Variants in PTPN3 observed in about 807,000 individuals in gnomAD.
The protein encoded by PTPN3 is protein tyrosine phosphatase non-receptor type 3.
In PTPN3, 96 loss-of-function variants were observed where a neutral mutation model predicts 132.7. The observed-to-expected ratio is 0.72, with a 90% CI of 0.61 to 0.86. PTPN3 has a LOEUF of 0.86. Ranked by LOEUF, PTPN3 falls within the 40% of genes least tolerant of loss-of-function variation. PTPN3 has a pLI of 0.00. For synonymous variants in PTPN3, 398 were observed against 429.0 expected, an observed-to-expected ratio of 0.93 and a Z score of 0.89; for missense variants, 1,125 against 1,159.6, an observed-to-expected ratio of 0.97 and a Z score of 0.43.
chr9:109,439,585 G>A (rs1292148678), intron 7 of PTPN3, among the ~76,000 whole-genome samples: 3 of 152,218 alleles, frequency 2.0e-5, no homozygotes, highest in Non-Finnish European at 4.4e-5. Context: ...GAGACAGGTA[G>A]CTGCTTGGGT....
At chr9:109,388,095 G>A (rs559202682) in intron 22 of PTPN3, among the ~76,000 whole-genome samples, 12 of 152,174 alleles carry the variant, frequency 7.9e-5, no homozygotes, top group Non-Finnish European at 1.6e-4. Flanking sequence ...TCTACTAAAT[G>A]CATGGTATAG....
chr9:109,417,466 T>C (rs1222662004), intron 14 of PTPN3: 2 of 552,806 alleles, frequency 3.6e-6, no homozygotes, highest in Admixed American at 1.3e-4. Flanking sequence ...AACACAAATC[T>C]GCTGTATAAA....
At chr9:109,466,043 C>T (rs887732838) in intron 1 of PTPN3, among the ~76,000 whole-genome samples, 1 of 152,138 alleles carries the variant, frequency 6.6e-6, no homozygotes, top group Non-Finnish European at 1.5e-5. Context: ...TGACAGAGTT[C>T]ACTCACTAGT....
chr9:109,418,121 G>A (rs1219326981), intron 14 of PTPN3, among the ~76,000 whole-genome samples: 8 of 152,212 alleles, frequency 5.3e-5, no homozygotes, highest in African/African-American at 1.9e-4. Context: ...TGTAGGGCAC[G>A]TACTGTTCCC....
chr9:109,422,002 G>A (rs181352625), intron 13 of PTPN3, among the ~76,000 whole-genome samples: 112 of 152,328 alleles, frequency 7.4e-4, no homozygotes, highest in Middle Eastern at 3.4e-3. Flanking sequence ...ATTATAATAA[G>A]ATAATGATAA....
rs1588417633 is a variant in PTPN3 at position 109,432,953 on chromosome 9, C to T, written c.764+120G>A. The stretch of plus-strand genomic sequence containing the variant: ...CAAATTTAGAGGTCAGAGTAAAACT[C>T]GGGAGGCACTCTCTATCTTTTCTTT... On this transcript the variant is annotated intron_variant, in intron 10 of 25. Transcript: ENST00000374541. 11 of 1,443,062 alleles carry T rather than the reference C, an allele frequency of 7.6e-6. No homozygotes were observed. The South Asian group carries it at 1.1e-4, about 14-fold the overall frequency. The allele number at this position is 1,443,062 out of a possible 1,614,324, so 89.4% of individuals were successfully genotyped here.
At chr9:109,429,864 A>AT (rs1330143268) in intron 10 of PTPN3, among the ~76,000 whole-genome samples, 1 of 152,246 alleles carries the variant, frequency 6.6e-6, no homozygotes, top group Non-Finnish European at 1.5e-5. Context: ...GAAATGAAGG[A>AT]ATTTTACTAT....
the PTPN3 span, among the ~76,000 whole-genome samples, chr9:109,534,632 CAAAA>C: frequency 0.032 from 3,512 of 108,728 alleles, 61 homozygotes; most frequent in Non-Finnish European, 0.046. Context: ...CAAAAAAATA[CAAAA>C]AAAAAAAAAA....
At chr9:109,524,930 G>A in the PTPN3 span, among the ~76,000 whole-genome samples, 1 of 152,172 alleles carries the variant, frequency 6.6e-6, no homozygotes, top group Non-Finnish European at 1.5e-5. Flanking sequence ...TAGAGACGGG[G>A]TTTTGCCGTG....
intron 2 of PTPN3, among the ~76,000 whole-genome samples, chr9:109,460,482 C>T (rs565536847): frequency 2.4e-4 from 36 of 152,184 alleles, no homozygotes; most frequent in Non-Finnish European, 4.0e-4. Context: ...TCCATGCGAT[C>T]CCCCACCCCT....
chr9:109,525,530 G>A, the PTPN3 span, among the ~76,000 whole-genome samples: 1 of 152,210 alleles, frequency 6.6e-6, no homozygotes, highest in Non-Finnish European at 1.5e-5. Flanking sequence ...TTCTCTAAGA[G>A]CTGGGCCCAG....
At chr9:109,468,656 G>A (rs551020968) in intron 1 of PTPN3, among the ~76,000 whole-genome samples, 2 of 152,190 alleles carry the variant, frequency 1.3e-5, no homozygotes, top group East Asian at 1.9e-4. Flanking sequence ...GTGAGCCACC[G>A]CGCCCGGCTG....
intron 1 of PTPN3, among the ~76,000 whole-genome samples, chr9:109,472,641 C>A (rs564968874): frequency 6.6e-6 from 1 of 152,264 alleles, no homozygotes; most frequent in East Asian, 1.9e-4. Flanking sequence ...GGAATTTAAT[C>A]TTTTTCCTCA....
Position 109,404,716 on chromosome 9 carries a change from A to C in PTPN3, c.1793-108T>G, listed in dbSNP as rs993684302. The C allele has an allele frequency of 1.2e-5, 15 of 1,209,434 alleles. No individual in the cohort carries two copies. In the African/African-American group the frequency reaches 2.2e-4, roughly 17 times the overall value. 74.9% of individuals were successfully genotyped at this position (1,209,434 alleles called of 1,614,324 possible). On this transcript the variant is annotated intron_variant, in intron 18 of 25. Coordinates refer to ENST00000374541, the MANE Select transcript of PTPN3 (RefSeq NM_002829.4). ...CACCTGAATGCAGATGGTTCAAAACATCTTATTAAATGATTAAGCTACATG... is the reference window on the plus strand; with the variant it reads ...CACCTGAATGCAGATGGTTCAAAACCTCTTATTAAATGATTAAGCTACATG...
intron 1 of PTPN3, among the ~76,000 whole-genome samples, chr9:109,490,278 T>TC (rs1476322603): frequency 6.6e-6 from 1 of 152,222 alleles, no homozygotes; most frequent in East Asian, 1.9e-4. Context: ...TGCTGACTTT[T>TC]CCCCTTGCAC....
intron 19 of PTPN3, among the ~76,000 whole-genome samples, chr9:109,394,253 T>C (rs2131652306): frequency 6.6e-6 from 1 of 152,108 alleles, no homozygotes; most frequent in African/African-American, 2.4e-5. Flanking sequence ...GAAAAAGAGA[T>C]TTTTTTTCAA....
At chr9:109,516,714 C>T in the PTPN3 span, among the ~76,000 whole-genome samples, 143,657 of 152,272 alleles carry the variant, frequency 0.94, 67,879 homozygotes, top group East Asian at 1. Flanking sequence ...CATCGGGCAA[C>T]AATGATTGTG....
chr9:109,492,610 T>C (rs1169272297), intron 1 of PTPN3, among the ~76,000 whole-genome samples: 4 of 152,192 alleles, frequency 2.6e-5, no homozygotes, highest in Non-Finnish European at 5.9e-5. Flanking sequence ...ATGATCCTCA[T>C]TTTACAGGGT....
At chr9:109,428,775 G>A (rs534847858) in intron 10 of PTPN3, 91 bp from the exon 11 acceptor site, 12 of 1,494,050 alleles carry the variant, frequency 8.0e-6, no homozygotes, top group Non-Finnish European at 1.1e-5. Context: ...TTTACTCCAT[G>A]ATCCTGATGA....
Sources: allele counts gnomAD v4.1 joint callset (sites outside exome capture counted in the v4.1 genomes callset), GRCh38; gene constraint gnomAD v4.1.1; transcripts MANE v1.5; gene names NCBI Gene and HGNC (gene_info 2026-07-23, HGNC 2026-07-21).